The following COL14A1 variants were observed in gnomAD, a reference collection of about 807,000 sequenced individuals.
COL14A1 encodes the protein collagen alpha-1(XIV) chain.
COL14A1 carries 136 observed loss-of-function variants against 230.3 expected under a neutral mutation model. That is an observed-to-expected ratio of 0.59 (90% CI 0.51 to 0.68). The LOEUF (loss-of-function observed/expected upper bound fraction) is 0.68. COL14A1 is among the 30% of genes least tolerant of loss of function. COL14A1 has a pLI of 0.00. For missense variants in COL14A1, 1,976 were observed against 2,215.8 expected (o/e 0.89, Z 2.17); for synonymous variants, 792 against 784.1 (o/e 1.01, Z -0.17).
At chr8:120,128,373 T>C (rs1321285596) in intron 1 of COL14A1, among the ~76,000 whole-genome samples, 1 of 152,132 alleles carries the variant, frequency 6.6e-6, no homozygotes, top group South Asian at 2.1e-4. Flanking sequence ...ATTCCTCCTT[T>C]AGCAATCACT....
intron 36 of COL14A1, among the ~76,000 whole-genome samples, chr8:120,308,064 C>A (rs910817004): frequency 6.6e-6 from 1 of 152,214 alleles, no homozygotes. Flanking sequence ...TCACTGCAAC[C>A]TCTGCCTCCT....
In COL14A1 at chr8:120,280,708, C is replaced by T. The variant is rs17833744; in HGVS notation, c.3647-3C>T. The stretch of plus-strand genomic sequence containing the variant: ...GTTTTATTTTGTTTGTTTGGTTTTC[C>T]AGCCTGTCCAGTGGTACACAAGGAT... On this transcript the variant is annotated splice_region_variant and splice_polypyrimidine_tract_variant and intron_variant, in intron 29 of 47. Transcript: ENST00000297848. 0.079 allele frequency: 126,959 copies of T among 1,611,538 alleles called. 6,087 individuals are homozygous for T. The highest frequency in any genetic ancestry group is 0.091 in the Non-Finnish European group (107,374 of 1,178,298).
In COL14A1 at chr8:120,150,955, T is replaced by C. The variant is rs775936877; in HGVS notation, c.88+3025T>C. 1.1e-4 allele frequency among the ~76,000 whole-genome samples: 16 copies of C among 151,318 alleles called. No individual in the cohort carries two copies. In the East Asian group the frequency reaches 2.1e-3, roughly 20 times the overall value. Reference sequence around the variant, plus strand: ...TCTGCCAAACATCAATAGAGTTCAATAAGAGTTTAATAGAAGAAAAATGAC... The same window carrying C: ...TCTGCCAAACATCAATAGAGTTCAACAAGAGTTTAATAGAAGAAAAATGAC... On this transcript the variant is annotated intron_variant, in intron 2 of 47. Transcript: ENST00000297848.
At chr8:120,232,166 G>A (rs1818293193) in intron 19 of COL14A1, 1 of 151,962 alleles carries the variant, frequency 6.6e-6, no homozygotes, top group Admixed American at 6.6e-5. Flanking sequence ...TCGTAACATG[G>A]ATGTATCCCC....
chr8:120,187,348 C>A (rs1047651817), intron 5 of COL14A1, among the ~76,000 whole-genome samples: 1 of 152,046 alleles, frequency 6.6e-6, no homozygotes, highest in East Asian at 1.9e-4. Context: ...TTTTATAAAG[C>A]GCTTTTTTGC....
chr8:120,231,842 T>C (rs1057142814), intron 19 of COL14A1: 6 of 486,112 alleles, frequency 1.2e-5, no homozygotes, highest in Non-Finnish European at 1.8e-5. Context: ...TAATAACCTC[T>C]GAACATTGTT....
chr8:120,215,388 AAAGGAAGGAAGGAAGG>A, intron 13 of COL14A1, among the ~76,000 whole-genome samples: 1 of 151,728 alleles, frequency 6.6e-6, no homozygotes, highest in East Asian at 1.9e-4. Flanking sequence ...GAAAGAAAAG[AAAGGAAGGAAGGAAGG>A]AAGGAAGGTA....
chr8:120,162,322 AT>A lies in COL14A1; in HGVS notation c.206-103del, dbSNP rs142078181. On this transcript the variant is annotated intron_variant, in intron 3 of 47. Transcript: ENST00000297848. ...TATACAATAAAACACATTTCAAAAAATGCCTTTACTGTTTAACACCATAATT... is the reference window on the plus strand; with the variant it reads ...TATACAATAAAACACATTTCAAAAAAGCCTTTACTGTTTAACACCATAATT... 8,136 of 856,646 alleles carry A rather than the reference AT, an allele frequency of 9.5e-3. 488 individuals carry two copies. In the African/African-American group the frequency reaches 0.12, roughly 13 times the overall value. 53.1% of individuals were successfully genotyped at this position (856,646 alleles called of 1,614,324 possible). A position where few individuals can be genotyped will look rare whatever the true frequency, so the allele number is the denominator to read the frequency against.
At chr8:120,277,341 C>T (rs1013763464) in intron 26 of COL14A1, 2 of 152,098 alleles carry the variant, frequency 1.3e-5, no homozygotes, top group African/African-American at 2.4e-5. Flanking sequence ...CTCTGATTTT[C>T]GGACATTTGT....
chr8:120,290,099 G>A (rs1820328522), intron 34 of COL14A1, among the ~76,000 whole-genome samples: 1 of 151,994 alleles, frequency 6.6e-6, no homozygotes, highest in Non-Finnish European at 1.5e-5. Flanking sequence ...GGCATAAATG[G>A]TTTTTAGAAA....
chr8:120,194,981 G>T (rs1464193617), intron 5 of COL14A1, among the ~76,000 whole-genome samples: 1 of 152,150 alleles, frequency 6.6e-6, no homozygotes, highest in Non-Finnish European at 1.5e-5. Context: ...CCAGCTGATG[G>T]CTCTGTATTT....
intron 45 of COL14A1, among the ~76,000 whole-genome samples, chr8:120,363,692 T>C (rs1172379529): frequency 2.0e-5 from 3 of 152,230 alleles, no homozygotes; most frequent in African/African-American, 4.8e-5. Flanking sequence ...CATGGACTGA[T>C]GCTAGAGAGA....
intron 45 of COL14A1, among the ~76,000 whole-genome samples, chr8:120,357,400 T>C (rs1823026040): frequency 6.6e-6 from 1 of 152,058 alleles, no homozygotes; most frequent in Non-Finnish European, 1.5e-5. Context: ...AGAGGCTGCT[T>C]TCCTCAGAGC....
chr8:120,234,177 T>C (rs531348642), intron 19 of COL14A1, among the ~76,000 whole-genome samples: 84 of 152,342 alleles, frequency 5.5e-4, no homozygotes, highest in Admixed American at 2.7e-3. Context: ...CCTGAGACTT[T>C]GCTGAAGTTG....
rs745490134 is a variant in COL14A1 at position 120,266,857 on chromosome 8, C to T, written c.3047C>T (p.Pro1016Leu). 5.0e-6 allele frequency: 8 copies of T among 1,612,124 alleles called. No homozygotes were observed. In the South Asian group the frequency reaches 8.8e-5, roughly 18 times the overall value. ...QSLPTRPPTF[P>L]PTIPPAKEVC... ...CTTCCTACACGACCACCAACTTTTC[C>T]TCCAACCATTCCACCAGCAAAAGAA... Residue 1016 changes from proline to leucine, a missense_variant, in exon 25 of 48, where the codon CCT becomes CTT. Physicochemically the swap from Pro to Leu is moderately conservative, Grantham distance 98. Transcript: ENST00000297848.
Position 120,156,929 on chromosome 8 carries a change from A to T in COL14A1, c.89-1201A>T, listed in dbSNP as rs539931403. On this transcript the variant is annotated intron_variant, in intron 2 of 47. Transcript: ENST00000297848. The stretch of plus-strand genomic sequence containing the variant: ...GAGAATGTTTGTTTCTTTTCTGTAC[A>T]CTCTGTTTTTTAAAATGAGAAAGAG... Among the ~76,000 whole-genome samples, 33 of 152,274 alleles carry T rather than the reference A, an allele frequency of 2.2e-4. No homozygotes were observed. The South Asian group carries it at 6.8e-3, about 32-fold the overall frequency.
At chr8:120,338,985 G>A (rs1041728149) in intron 42 of COL14A1, among the ~76,000 whole-genome samples, 8 of 152,146 alleles carry the variant, frequency 5.3e-5, no homozygotes, top group African/African-American at 1.7e-4. Context: ...AAGAATTTGG[G>A]CTGGGGCAGG....
At chr8:120,149,764 G>A (rs965786427) in intron 2 of COL14A1, among the ~76,000 whole-genome samples, 6 of 150,348 alleles carry the variant, frequency 4.0e-5, no homozygotes, top group African/African-American at 1.5e-4. Context: ...GCGCAGTCTC[G>A]GCTAACTGCA....
At chr8:120,130,535 A>G (rs1176907147) in intron 1 of COL14A1, among the ~76,000 whole-genome samples, 1 of 152,166 alleles carries the variant, frequency 6.6e-6, no homozygotes, top group Non-Finnish European at 1.5e-5. Flanking sequence ...CTCTTAAACA[A>G]AAATCACTGT....
Sources: allele counts gnomAD v4.1 joint callset (sites outside exome capture counted in the v4.1 genomes callset), GRCh38; gene constraint gnomAD v4.1.1; transcripts MANE v1.5; gene names NCBI Gene and HGNC (gene_info 2026-07-23, HGNC 2026-07-21).